BMP10: variants seen among roughly 807,000 people sequenced by gnomAD.
BMP10 encodes bone morphogenetic protein 10.
A neutral mutation model predicts 29.9 loss-of-function variants in BMP10; 9 were observed. The ratio of observed to expected loss-of-function variants is 0.30; its 90% CI spans 0.18 to 0.53. The LOEUF (loss-of-function observed/expected upper bound fraction) is 0.53. BMP10 is among the 20% of genes least tolerant of loss of function. The pLI is 0.96. For synonymous variants in BMP10, 202 were observed against 200.2 expected (o/e 1.01, Z -0.07); for missense variants, 474 against 524.3 (o/e 0.90, Z 0.94).
intron 1 of BMP10, among the ~76,000 whole-genome samples, chr2:68,867,871 A>G (rs1008528011): frequency 6.6e-6 from 1 of 150,942 alleles, no homozygotes; most frequent in African/African-American, 2.4e-5. Flanking sequence ...CCTAAGCAAC[A>G]TAATTCATTA....
chr2:68,866,016 T>G lies in BMP10; in HGVS notation c.890A>C (p.Glu297Ala), dbSNP rs1682944494. ...GTTTGATCTCATCTGCAACAAAGCC[T>G]CTTCCCCAGGTCCACTGGAAAAGCT... is the stretch of plus-strand genomic sequence containing the variant. ...LDSFSSGPGE[E>A]ALLQMRSNII... The change falls in exon 2 of 2, where the codon GAG becomes GCG. Residue 297 changes from glutamate (E) to alanine (A), a missense_variant. Physicochemically the swap from Glu to Ala is moderately radical, Grantham distance 107. This residue lies in a region of BMP10 where 408 missense variants were observed against 415.3 expected (regional missense o/e 0.98). Transcript: ENST00000295379. 2.5e-6 allele frequency: 4 copies of G among 1,614,122 alleles called. No homozygotes were observed. The highest frequency in any genetic ancestry group is 3.3e-4 in the Middle Eastern group (2 of 6,062).
At position 68,865,847 on chromosome 2, in the gene BMP10, A is replaced by G; in HGVS notation, c.1059T>C (p.Arg353=). 1 of 1,614,084 alleles carries G rather than the reference A, an allele frequency of 6.2e-7. No homozygotes were observed. The highest frequency in any genetic ancestry group is 8.5e-7 in the Non-Finnish European group (1 of 1,179,980). The part of the protein sequence containing the change: ...APPGYEAYEC[R]GVCNYPLAEH... ...CTGCCAGGGGGTAGTTACAAACACC[A>G]CGGCATTCATAGGCTTCGTATCCAG... is the stretch of plus-strand genomic sequence containing the variant. Residue 353 remains arginine, a synonymous_variant, in exon 2 of 2, where the codon CGT becomes CGC. Transcript: ENST00000295379. The surrounding 1 kb of genome is among the most constrained non-coding windows in gnomAD (Gnocchi z 4.7).
rs1396132551 is a variant in BMP10, at chr2:68,861,787, G to A, written c.*3844C>T. ...ATCATAACAAATACTGAAACATTTAGTAACAGTTCTTAAAAAAAAAAGGTT... is the reference window on the plus strand; with the variant it reads ...ATCATAACAAATACTGAAACATTTAATAACAGTTCTTAAAAAAAAAAGGTT... On this transcript the variant is annotated 3_prime_UTR_variant, in exon 2 of 2. Transcript: ENST00000295379. 6.6e-6 allele frequency among the ~76,000 whole-genome samples: 1 copy of A among 151,692 alleles called. No homozygotes were observed. Among genetic ancestry groups the A allele is most frequent in the African/African-American group, 2.4e-5 (1 of 41,318 alleles).
In BMP10 at chr2:68,861,482, T is replaced by A. The variant is rs763769527; in HGVS notation, c.*4149A>T. Reference sequence around the variant, plus strand: ...TCTACCTTCCATTTAATGTAGGAAATCAACTGTTCCTGTTTGGGGGCAAGA... The same window carrying A: ...TCTACCTTCCATTTAATGTAGGAAAACAACTGTTCCTGTTTGGGGGCAAGA... On this transcript the variant is annotated 3_prime_UTR_variant, in exon 2 of 2. Transcript: ENST00000295379. Among the ~76,000 whole-genome samples, 4 of 152,242 alleles carry A rather than the reference T, an allele frequency of 2.6e-5. No homozygotes were observed. Among genetic ancestry groups the A allele is most frequent in the Non-Finnish European group, 4.4e-5 (3 of 68,048 alleles).
chr2:68,869,299 T>G (rs1040666362), intron 1 of BMP10, among the ~76,000 whole-genome samples: 9 of 152,116 alleles, frequency 5.9e-5, no homozygotes, highest in Non-Finnish European at 1.2e-4. Context: ...TTGGAGTTTT[T>G]TTGGTCTTTC....
At position 68,866,213 on chromosome 2, in the gene BMP10, A is replaced by G. The variant is rs371768311; in HGVS notation, c.693T>C (p.Ala231=). Residue 231 remains alanine (A), a synonymous_variant, in exon 2 of 2, where the codon GCT becomes GCC. Coordinates refer to ENST00000295379, the MANE Select transcript of BMP10 (RefSeq NM_014482.3). ...CTAGCCGTCCACTGCTGGCATCCTCAGCTTCATCGTGTTTGCTCTCAATGT... is the reference window on the plus strand; with the variant it reads ...CTAGCCGTCCACTGCTGGCATCCTCGGCTTCATCGTGTTTGCTCTCAATGT... The part of the protein sequence containing the change: ...EVHIESKHDE[A]EDASSGRLEI... 2 of 1,613,834 alleles carry G rather than the reference A, an allele frequency of 1.2e-6. No homozygotes were observed. Among genetic ancestry groups the G allele is most frequent in the African/African-American group, 2.7e-5 (2 of 74,850 alleles).
rs1683020555 is a variant in BMP10, at chr2:68,868,978, T to C, written c.334+2047A>G. 2.6e-5 allele frequency among the ~76,000 whole-genome samples: 4 copies of C among 152,224 alleles called. No individual in the cohort carries two copies. In the South Asian group the frequency reaches 8.3e-4, roughly 31 times the overall value. On this transcript the variant is annotated intron_variant, in intron 1 of 1. Coordinates refer to ENST00000295379, the MANE Select transcript of BMP10 (RefSeq NM_014482.3). The stretch of plus-strand genomic sequence containing the variant: ...TCAAATATACCTCAATAAAGCTGTT[T>C]TGAAAAAGTAAGTTCACTGTGAAGT...
chr2:68,870,950 C>A, intron 1 of BMP10, 75 bp downstream of exon 1: 2 of 1,288,382 alleles, frequency 1.6e-6, no homozygotes, highest in Non-Finnish European at 2.2e-6. Context: ...TTACCTATAT[C>A]ATTCCCATGC....
chr2:68,867,367 A>C (rs2103807933), intron 1 of BMP10, among the ~76,000 whole-genome samples: 1 of 152,338 alleles, frequency 6.6e-6, no homozygotes, highest in Non-Finnish European at 1.5e-5. Context: ...AGAGGGTCTC[A>C]GCAATTGACT....
chr2:68,862,319 G>T lies in BMP10; in HGVS notation c.*3312C>A, dbSNP rs1002517574. ...CCTTAAACCAATAGAATATTCTGAT[G>T]CAAAAAGAGAGAGATGGAAATACAG... On this transcript the variant is annotated 3_prime_UTR_variant, in exon 2 of 2. Coordinates refer to ENST00000295379, the MANE Select transcript of BMP10 (RefSeq NM_014482.3). Among the ~76,000 whole-genome samples, 3 of 152,064 alleles carry T rather than the reference G, an allele frequency of 2.0e-5. No individual in the cohort carries two copies. The highest frequency in any genetic ancestry group is 7.2e-5 in the African/African-American group (3 of 41,384).
rs899294670 is a variant in BMP10 at position 68,871,251 on chromosome 2, C to T, written c.108G>A (p.Met36Ile). The change falls in exon 1 of 2, where the codon ATG becomes ATA. Residue 36 changes from methionine (M) to isoleucine (I), a missense_variant. Met to Ile is a conservative substitution (Grantham distance 10). Around this residue, in one of 2 missense-constraint regions of BMP10, gnomAD observed 408 missense variants for 415.3 expected, o/e 0.98. Transcript: ENST00000295379. ...NLEQSPLEED[M>I]SLFGDVFSEQ... The stretch of plus-strand genomic sequence containing the variant: ...CTGAGAAAACATCACCAAAGAGGGA[C>T]ATATCTTCTTCCAGAGGAGACTGCT... 2.5e-6 allele frequency: 4 copies of T among 1,613,984 alleles called. No individual in the cohort carries two copies. The highest frequency in any genetic ancestry group is 1.7e-5 in the Admixed American group (1 of 59,990).
At position 68,862,929 on chromosome 2, in the gene BMP10, G is replaced by T. The variant is rs1207083804; in HGVS notation, c.*2702C>A. Among the ~76,000 whole-genome samples the T allele has an allele frequency of 6.6e-6, 1 of 152,124 alleles. No individual in the cohort carries two copies. Among genetic ancestry groups the T allele is most frequent in the Non-Finnish European group, 1.5e-5 (1 of 68,016 alleles). ...CTGGATGGGCAGAAAGAAACAACTG[G>T]GCTATGCAGCCTGATCGCCAACAGC... On this transcript the variant is annotated 3_prime_UTR_variant, in exon 2 of 2. Coordinates refer to ENST00000295379, the MANE Select transcript of BMP10 (RefSeq NM_014482.3).
chr2:68,871,386 C>T lies in BMP10; in HGVS notation c.-28G>A, dbSNP rs1683063890. 6.2e-7 allele frequency: 1 copy of T among 1,601,242 alleles called. No homozygotes were observed. The highest frequency in any genetic ancestry group is 1.3e-5 in the African/African-American group (1 of 74,352). On this transcript the variant is annotated 5_prime_UTR_variant, in exon 1 of 2. Coordinates refer to ENST00000295379, the MANE Select transcript of BMP10 (RefSeq NM_014482.3). The stretch of plus-strand genomic sequence containing the variant: ...CTCCGCTCGAGCTCCTAGGCCAAGC[C>T]AGGAAGGTTTAGCTTCCCTGGGCTC...
At position 68,866,544 on chromosome 2, in the gene BMP10, T is replaced by C. The variant is rs1392836071; in HGVS notation, c.362A>G (p.Asn121Ser). 6.2e-7 allele frequency: 1 copy of C among 1,611,732 alleles called. No homozygotes were observed. The highest frequency in any genetic ancestry group is 1.7e-5 in the Admixed American group (1 of 59,914). Residue 121 changes from asparagine (N) to serine (S), a missense_variant, in exon 2 of 2, where the codon AAT becomes AGT. By Grantham distance (46) the Asn-to-Ser change is conservative. Transcript: ENST00000295379. ...EDLFSQPVSFNGLRKYPLLFN... is the reference protein window; with the variant it reads ...EDLFSQPVSFSGLRKYPLLFN... ...GAGGAGGGGGTATTTTCGGAGCCCA[T>C]TAAAACTGACCGGCTGGGAAAACAG...
At position 68,862,011 on chromosome 2, in the gene BMP10, C is replaced by A. The variant is rs1682867132; in HGVS notation, c.*3620G>T. Among the ~76,000 whole-genome samples, 1 of 152,166 alleles carries A rather than the reference C, an allele frequency of 6.6e-6. No homozygotes were observed. Among genetic ancestry groups the A allele is most frequent in the African/African-American group, 2.4e-5 (1 of 41,420 alleles). On this transcript the variant is annotated 3_prime_UTR_variant, in exon 2 of 2. Transcript: ENST00000295379. ...ACAGGTGAATTCAGAGGGGAAGTAC[C>A]AGATTTGGGGGATGAAAAGATTCAT...
chr2:68,868,438 C>A (rs1558685959), intron 1 of BMP10, among the ~76,000 whole-genome samples: 1 of 152,160 alleles, frequency 6.6e-6, no homozygotes, highest in Non-Finnish European at 1.5e-5. Context: ...TTTCAGCCAT[C>A]TTTTTATGAA....
At chr2:68,866,688 G>A in intron 1 of BMP10, 117 bp from the exon 2 acceptor site, 1 of 768,368 alleles carries the variant, frequency 1.3e-6, no homozygotes, top group Non-Finnish European at 2.0e-6. Flanking sequence ...AAAGAATGAA[G>A]GGAGAAAATC....
Position 68,866,000 on chromosome 2 carries a change from C to G in BMP10, c.906G>C (p.Met302Ile). 6.2e-7 allele frequency: 1 copy of G among 1,614,052 alleles called. No individual in the cohort carries two copies. The highest frequency in any genetic ancestry group is 8.5e-7 in the Non-Finnish European group (1 of 1,179,980). ...SGPGEEALLQ[M>I]RSNIIYDSTA... ...TGGAGTCATAGATGATGTTTGATCT[C>G]ATCTGCAACAAAGCCTCTTCCCCAG... Residue 302 changes from methionine to isoleucine, a missense_variant, in exon 2 of 2, where the codon ATG becomes ATC. By Grantham distance (10) the Met-to-Ile change is conservative. Around this residue, in one of 2 missense-constraint regions of BMP10, gnomAD observed 408 missense variants for 415.3 expected, o/e 0.98. Coordinates refer to ENST00000295379, the MANE Select transcript of BMP10 (RefSeq NM_014482.3). This position sits in a 1 kb window ranked among gnomAD's most constrained non-coding sequence, Gnocchi z 4.7.
At chr2:68,869,264 T>A (rs1361775915) in intron 1 of BMP10, among the ~76,000 whole-genome samples, 1 of 152,122 alleles carries the variant, frequency 6.6e-6, no homozygotes, top group Non-Finnish European at 1.5e-5. Context: ...GAGGTGGCAC[T>A]TTTTTTTCCC....
Sources: gnomAD v4.1 joint callset for allele counts (sites outside exome capture counted in the v4.1 genomes callset) on GRCh38, gnomAD v4.1.1 for gene constraint, gnomAD v4.1.1 regional missense constraint, Gnocchi (gnomAD v3.1) non-coding constraint, MANE v1.5 for transcripts, NCBI Gene and HGNC (gene_info 2026-07-23, HGNC 2026-07-21) for gene names.